GRIA3: variants seen among roughly 807,000 people sequenced by gnomAD.
GRIA3 encodes glutamate ionotropic receptor AMPA type subunit 3.
In GRIA3, 3 loss-of-function variants were observed where a neutral mutation model predicts 63.0. That is an observed-to-expected ratio of 0.05 (90% CI 0.02 to 0.12). The LOEUF (loss-of-function observed/expected upper bound fraction) is 0.12, where lower values mean the gene tolerates loss of function less well. Among genes scored for constraint, GRIA3 ranks in the 10% least tolerant of loss-of-function variants. The pLI, the probability that GRIA3 is intolerant of heterozygous loss-of-function variation, is 1.00. For missense variants in GRIA3, 347 were observed against 700.9 expected (o/e 0.50, Z 5.70); for synonymous variants, 274 against 257.9 (o/e 1.06, Z -0.60).
intron 4 of GRIA3, 83 bp downstream of exon 4, chrX:123,326,296 G>A: frequency 1.3e-6 from 1 of 742,271 alleles, no homozygotes; most frequent in Non-Finnish European, 2.0e-6. Context: ...AATAAATTAA[G>A]TAGCCAACAG....
At chrX:123,305,856 T>C (rs192909250) in intron 3 of GRIA3, among the ~76,000 whole-genome samples, 2 of 112,174 alleles carry the variant, frequency 1.8e-5, no homozygotes, top group Non-Finnish European at 3.8e-5. Context: ...CCTGTCCCCG[T>C]TGCAAATAAT....
At chrX:123,345,476 A>T (rs887468538) in intron 4 of GRIA3, among the ~76,000 whole-genome samples, 2 of 107,098 alleles carry the variant, frequency 1.9e-5, no homozygotes, top group African/African-American at 6.9e-5. Context: ...ACACACACAC[A>T]CACACACACA....
chrX:123,247,851 A>T (rs2041737823), intron 2 of GRIA3, among the ~76,000 whole-genome samples: 1 of 111,576 alleles, frequency 9.0e-6, no homozygotes, highest in South Asian at 3.8e-4. Flanking sequence ...CAATAGAGCT[A>T]ACAGAGGGCA....
At chrX:123,234,956 A>G (rs1023049412) in intron 2 of GRIA3, among the ~76,000 whole-genome samples, 1 of 111,738 alleles carries the variant, frequency 8.9e-6, no homozygotes, top group African/African-American at 3.3e-5. Flanking sequence ...TTGCCCTTTA[A>G]ATGGTTCAAT....
chrX:123,360,231 T>C (rs2045160322), intron 5 of GRIA3, among the ~76,000 whole-genome samples: 2 of 110,755 alleles, frequency 1.8e-5, no homozygotes, highest in Admixed American at 1.9e-4. Context: ...CACCTCGCTC[T>C]TCCCACTTTA....
intron 2 of GRIA3, among the ~76,000 whole-genome samples, chrX:123,230,923 C>CA (rs1436863615): frequency 1.8e-5 from 2 of 112,159 alleles, no homozygotes; most frequent in Non-Finnish European, 3.8e-5. Flanking sequence ...GGTTTAAATA[C>CA]TTCTCTTTAT....
chrX:123,254,189 C>T (rs777656926), intron 3 of GRIA3, among the ~76,000 whole-genome samples: 1 of 111,614 alleles, frequency 9.0e-6, no homozygotes, highest in Non-Finnish European at 1.9e-5. Flanking sequence ...AATAGTGAGA[C>T]AGTCTACGGC....
At chrX:123,280,064 T>C (rs2044576557) in intron 3 of GRIA3, among the ~76,000 whole-genome samples, 1 of 112,034 alleles carries the variant, frequency 8.9e-6, no homozygotes, top group African/African-American at 3.2e-5. Context: ...GTTTGAAGGA[T>C]TGTAGACATT....
At chrX:123,267,607 ACT>A (rs1218026476) in intron 3 of GRIA3, among the ~76,000 whole-genome samples, 2 of 112,157 alleles carry the variant, frequency 1.8e-5, no homozygotes, top group African/African-American at 6.5e-5. Flanking sequence ...AAGAAGGAAA[ACT>A]GCTTCAAAAT....
chrX:123,295,634 A>T (rs1296064649), intron 3 of GRIA3, among the ~76,000 whole-genome samples: 1 of 111,419 alleles, frequency 9.0e-6, no homozygotes. Flanking sequence ...TTTAAGTGTC[A>T]TGGCCCATGC....
At chrX:123,479,884 T>C (rs996276563) in intron 13 of GRIA3, among the ~76,000 whole-genome samples, 179 bp from the exon 14 acceptor site, 8 of 112,409 alleles carry the variant, frequency 7.1e-5, no homozygotes, top group African/African-American at 2.3e-4. Flanking sequence ...CTGGTAAATA[T>C]AGCGTTGCTG....
At chrX:123,472,980 T>C (rs1376095311) in intron 13 of GRIA3, among the ~76,000 whole-genome samples, 4 of 112,960 alleles carry the variant, frequency 3.5e-5, no homozygotes, top group Admixed American at 1.9e-4. Context: ...TACATGAATA[T>C]AAATACTCTC....
rs192533597 is a variant in GRIA3, at chrX:123,388,986, C to T, written c.751-5982C>T. On this transcript the variant is annotated intron_variant, in intron 5 of 15. Transcript: ENST00000620443. Reference sequence around the variant, plus strand: ...TTTCTTCTTTGACCCAATGGTCATTCGGGAGCATGTTGTTTAATTTCCAGG... The same window carrying T: ...TTTCTTCTTTGACCCAATGGTCATTTGGGAGCATGTTGTTTAATTTCCAGG... Among the ~76,000 whole-genome samples the T allele has an allele frequency of 5.4e-3, 606 of 112,215 alleles. 2 individuals carry two copies. Among genetic ancestry groups the T allele is most frequent in the African/African-American group, 0.018 (567 of 30,903 alleles).
chrX:123,209,774 G>C (rs5909975), intron 2 of GRIA3, among the ~76,000 whole-genome samples: 1 of 110,122 alleles, frequency 9.1e-6, no homozygotes, highest in East Asian at 2.9e-4. Context: ...TATTATGGGA[G>C]AAAAAGGTTA....
intron 10 of GRIA3, among the ~76,000 whole-genome samples, chrX:123,415,847 G>A (rs2045533977): frequency 8.9e-6 from 1 of 112,047 alleles, no homozygotes; most frequent in Admixed American, 9.4e-5. Context: ...ACCTAGAATA[G>A]TGCTTGGCAC....
intron 3 of GRIA3, among the ~76,000 whole-genome samples, chrX:123,309,990 G>T (rs1207379516): frequency 1.8e-5 from 2 of 112,101 alleles, no homozygotes; most frequent in African/African-American, 6.5e-5. Context: ...ACTGGCCAAG[G>T]GGATCAGATG....
intron 12 of GRIA3, among the ~76,000 whole-genome samples, chrX:123,436,876 T>C (rs1481732081): frequency 9.0e-6 from 1 of 111,136 alleles, no homozygotes; most frequent in Non-Finnish European, 1.9e-5. Flanking sequence ...GGCCCATCTC[T>C]TCAATTAGAC....
chrX:123,436,807 CTTTCT>C (rs1403311379), intron 12 of GRIA3, among the ~76,000 whole-genome samples: 5 of 111,287 alleles, frequency 4.5e-5, no homozygotes, highest in South Asian at 7.6e-4. Context: ...AAGGATCTCA[CTTTCT>C]TTTCTTATCT....
intron 3 of GRIA3, among the ~76,000 whole-genome samples, chrX:123,292,498 C>A (rs182789253): frequency 9.0e-6 from 1 of 110,604 alleles, no homozygotes; most frequent in Non-Finnish European, 1.9e-5. Flanking sequence ...GACCTCCCCC[C>A]ACCCCACACC....
Sources: gnomAD v4.1 joint callset for allele counts (sites outside exome capture counted in the v4.1 genomes callset) on GRCh38, gnomAD v4.1.1 for gene constraint, MANE v1.5 for transcripts, NCBI Gene and HGNC (gene_info 2026-07-23, HGNC 2026-07-21) for gene names.